The following PCDH15 variants were observed in gnomAD, a reference collection of about 807,000 sequenced individuals.
PCDH15 encodes protocadherin-15.
Under a neutral mutation model 178.5 loss-of-function variants are expected in PCDH15, and 129 were observed. The ratio of observed to expected loss-of-function variants is 0.72; its 90% CI spans 0.63 to 0.84. The LOEUF (loss-of-function observed/expected upper bound fraction) is 0.84, where lower values mean the gene tolerates loss of function less well. PCDH15 is among the 40% of genes least tolerant of loss of function. The probability of loss-of-function intolerance (pLI) is 0.00; values close to 1 mark genes in which losing one functional copy is unlikely to be tolerated. For missense variants in PCDH15, 2,230 were observed against 2,099.9 expected (o/e 1.06, Z -1.21); for synonymous variants, 800 against 732.0 (o/e 1.09, Z -1.50).
intron 1 of PCDH15, among the ~76,000 whole-genome samples, chr10:54,742,391 TG>T (rs1490503891): frequency 6.6e-6 from 1 of 152,052 alleles, no homozygotes; most frequent in Non-Finnish European, 1.5e-5. Context: ...TTAACATACG[TG>T]CCAGCCTAGT....
chr10:55,221,144 A>T (rs924757642), intron 1 of PCDH15, among the ~76,000 whole-genome samples: 1 of 151,990 alleles, frequency 6.6e-6, no homozygotes, highest in African/African-American at 2.4e-5. Flanking sequence ...GCAGAAACAG[A>T]TAGCACACAC....
chr10:54,415,916 A>C (rs1224107595), intron 3 of PCDH15, among the ~76,000 whole-genome samples: 1 of 152,188 alleles, frequency 6.6e-6, no homozygotes, highest in African/African-American at 2.4e-5. Flanking sequence ...AACTGAAAAT[A>C]TAAAGTGAAT....
At chr10:54,777,833 G>A (rs1430327746) in intron 1 of PCDH15, among the ~76,000 whole-genome samples, 1 of 152,172 alleles carries the variant, frequency 6.6e-6, no homozygotes, top group Admixed American at 6.5e-5. Flanking sequence ...TTATAGCAAA[G>A]CTGGAAACGA....
chr10:55,269,786 A>G (rs759292177), intron 1 of PCDH15, among the ~76,000 whole-genome samples: 3 of 152,178 alleles, frequency 2.0e-5, no homozygotes, highest in Non-Finnish European at 4.4e-5. Flanking sequence ...AAAATTCTAA[A>G]ATTCATCTGG....
At chr10:55,373,504 C>A (rs1046365147) in intron 2 of PCDH15, among the ~76,000 whole-genome samples, 1 of 151,724 alleles carries the variant, frequency 6.6e-6, no homozygotes, top group Non-Finnish European at 1.5e-5. Context: ...TGATATCATA[C>A]CTAGACCTCA....
chr10:55,493,351 T>A (rs1406136388), intron 2 of PCDH15, among the ~76,000 whole-genome samples: 1 of 150,198 alleles, frequency 6.7e-6, no homozygotes, highest in Non-Finnish European at 1.5e-5. Flanking sequence ...AGCTCAAGAG[T>A]TAAAGACCAG....
At chr10:55,502,715 T>G (rs1032966248) in intron 2 of PCDH15, among the ~76,000 whole-genome samples, 6 of 151,782 alleles carry the variant, frequency 4.0e-5, no homozygotes, top group African/African-American at 1.4e-4. Flanking sequence ...GGTCAAACTA[T>G]CTTTCCTTTT....
intron 1 of PCDH15, among the ~76,000 whole-genome samples, chr10:54,795,262 C>T (rs184559043): frequency 6.6e-6 from 1 of 151,608 alleles, no homozygotes; most frequent in African/African-American, 2.4e-5. Flanking sequence ...AAATTCCTAC[C>T]GCCTCTCTCT....
At chr10:55,356,632 A>T (rs549106407) in intron 2 of PCDH15, among the ~76,000 whole-genome samples, 4 of 151,950 alleles carry the variant, frequency 2.6e-5, no homozygotes, top group Admixed American at 2.0e-4. Context: ...AGCTCTATGA[A>T]ATTGTGTATT....
chr10:55,455,023 C>T lies in PCDH15; in HGVS notation c.-156+172602G>A, dbSNP rs1839520244. On this transcript the variant is annotated intron_variant, in intron 2 of 5. Transcript: ENST00000613346. ...CTTCATCTTATGCTTTATGTAAGTGCTTACAAATAGTACCTAGATATTGCT... is the reference window on the plus strand; with the variant it reads ...CTTCATCTTATGCTTTATGTAAGTGTTTACAAATAGTACCTAGATATTGCT... 2.0e-5 allele frequency among the ~76,000 whole-genome samples: 3 copies of T among 151,936 alleles called. No individual in the cohort carries two copies. In the South Asian group the frequency reaches 6.2e-4, roughly 31 times the overall value.
At chr10:55,525,369 A>T (rs1210721635) in intron 2 of PCDH15, among the ~76,000 whole-genome samples, 1 of 151,888 alleles carries the variant, frequency 6.6e-6, no homozygotes. Context: ...TTCATTCCCT[A>T]GGTAAGTTAT....
chr10:54,455,001 A>G (rs1396315211), intron 3 of PCDH15, among the ~76,000 whole-genome samples: 4 of 152,106 alleles, frequency 2.6e-5, no homozygotes, highest in Non-Finnish European at 5.9e-5. Flanking sequence ...TTCTTGTGAT[A>G]GTGAATTTGT....
intron 2 of PCDH15, among the ~76,000 whole-genome samples, chr10:55,589,098 AAAAG>A (rs1564469096): frequency 2.0e-5 from 3 of 151,314 alleles, no homozygotes; most frequent in African/African-American, 4.9e-5. Context: ...AAAAAAAAAA[AAAAG>A]AAAGAAAGGA....
chr10:55,389,210 G>T (rs546857716), intron 2 of PCDH15, among the ~76,000 whole-genome samples: 1 of 152,036 alleles, frequency 6.6e-6, no homozygotes, highest in Non-Finnish European at 1.5e-5. Flanking sequence ...TCGAAGAAAT[G>T]TCAGCATGCT....
chr10:54,338,562 A>C (rs4619057), intron 6 of PCDH15, among the ~76,000 whole-genome samples: 10,796 of 152,238 alleles, frequency 0.071, 499 homozygotes, highest in African/African-American at 0.12. Flanking sequence ...TTTCTGAATT[A>C]TCTCAAAGCT....
intron 2 of PCDH15, among the ~76,000 whole-genome samples, chr10:55,603,223 T>A (rs565710888): frequency 1.3e-5 from 2 of 152,018 alleles, no homozygotes; most frequent in South Asian, 4.2e-4. Context: ...GAGCAAAGCC[T>A]CCAAGAAATA....
intron 3 of PCDH15, among the ~76,000 whole-genome samples, chr10:54,402,748 A>G (rs998324597): frequency 6.6e-6 from 1 of 151,948 alleles, no homozygotes; most frequent in African/African-American, 2.4e-5. Flanking sequence ...CATTGAACTT[A>G]ATTCATGAAA....
chr10:53,956,916 A>C (rs568118434), intron 23 of PCDH15, among the ~76,000 whole-genome samples: 1 of 152,314 alleles, frequency 6.6e-6, no homozygotes, highest in African/African-American at 2.4e-5. Flanking sequence ...TGAAATGGTA[A>C]ATTATACGTT....
intron 1 of PCDH15, among the ~76,000 whole-genome samples, chr10:54,722,569 C>T (rs1418027534): frequency 1.2e-4 from 15 of 129,660 alleles, no homozygotes; most frequent in Admixed American, 2.4e-4. Context: ...AAAGGCATTG[C>T]AATTGGGACC....
Sources: allele counts gnomAD v4.1 joint callset (sites outside exome capture counted in the v4.1 genomes callset), GRCh38; gene constraint gnomAD v4.1.1; transcripts MANE v1.5; gene names NCBI Gene and HGNC (gene_info 2026-07-23, HGNC 2026-07-21).